Variants in TBCD observed in about 807,000 individuals in gnomAD.
TBCD encodes the protein tubulin-specific chaperone D.
In TBCD, 105 loss-of-function variants were observed where a neutral mutation model predicts 169.3. The ratio of observed to expected loss-of-function variants is 0.62; its 90% CI spans 0.53 to 0.73. The LOEUF is 0.73. Ranked by LOEUF, TBCD falls within the 30% of genes least tolerant of loss-of-function variation. The probability of loss-of-function intolerance (pLI) is 0.00; values close to 1 mark genes in which losing one functional copy is unlikely to be tolerated. For missense variants in TBCD, 1,444 were observed against 1,600.1 expected (o/e 0.90, Z 1.66); for synonymous variants, 700 against 643.9 (o/e 1.09, Z -1.32).
rs1232536074 is a variant in TBCD, at chr17:82,782,798, C to T, written c.771+1077C>T. On this transcript the variant is annotated intron_variant, in intron 7 of 38. Coordinates refer to ENST00000355528, the MANE Select transcript of TBCD (RefSeq NM_005993.5). The surrounding 1 kb of genome is among the most constrained non-coding windows in gnomAD (Gnocchi z 5.1). ...GGCGTTGTCTTCCTGTCTGTGGCGT[C>T]GTCCTGTCTGCGGTGGCGTCGTCCT... Among the ~76,000 whole-genome samples the T allele has an allele frequency of 2.0e-5, 3 of 151,076 alleles. No homozygotes were observed. The highest frequency in any genetic ancestry group is 4.9e-5 in the African/African-American group (2 of 40,918).
Position 82,777,013 on chromosome 17 carries a change from C to T in TBCD, c.638+4506C>T, listed in dbSNP as rs565364651. 5.9e-5 allele frequency among the ~76,000 whole-genome samples: 9 copies of T among 152,086 alleles called. No individual in the cohort carries two copies. The South Asian group carries it at 8.3e-4, about 14-fold the overall frequency. On this transcript the variant is annotated intron_variant, in intron 6 of 38. Coordinates refer to ENST00000355528, the MANE Select transcript of TBCD (RefSeq NM_005993.5). ...CTTCCCCACGAGTGTGAGTTTCCTCCGGTGAAGGGCGATGGGTATTGCCCC... is the reference window on the plus strand; with the variant it reads ...CTTCCCCACGAGTGTGAGTTTCCTCTGGTGAAGGGCGATGGGTATTGCCCC...
At chr17:82,768,254 C>T (rs1018224615) in intron 4 of TBCD, among the ~76,000 whole-genome samples, 166 bp from the exon 5 acceptor site, 1 of 151,738 alleles carries the variant, frequency 6.6e-6, no homozygotes, top group African/African-American at 2.4e-5. Context: ...GGGGATGTGG[C>T]GAGGAGTTGG....
intron 20 of TBCD, 85 bp downstream of exon 20, chr17:82,906,138 T>G (rs1053981919): frequency 1.9e-6 from 2 of 1,043,758 alleles, no homozygotes; most frequent in Non-Finnish European, 2.8e-6. Context: ...AGTTCGAGAC[T>G]CTCTCATCCC....
intron 14 of TBCD, among the ~76,000 whole-genome samples, chr17:82,875,431 C>A (rs1336850325): frequency 1.3e-5 from 2 of 152,216 alleles, no homozygotes; most frequent in African/African-American, 4.8e-5. Context: ...GAAAGCCGAG[C>A]CCTACGCTGC....
At chr17:82,796,937 A>G (rs1039862705) in intron 7 of TBCD, among the ~76,000 whole-genome samples, 4 of 152,226 alleles carry the variant, frequency 2.6e-5, no homozygotes, top group Non-Finnish European at 2.9e-5. Flanking sequence ...GGGCGACAGC[A>G]GGACAGGGGT....
At chr17:82,756,241 A>G (rs2047393522) in intron 2 of TBCD, 26 bp downstream of exon 2, 1 of 1,597,850 alleles carries the variant, frequency 6.3e-7, no homozygotes, top group Non-Finnish European at 8.5e-7. Flanking sequence ...GCTGATTTTG[A>G]TCATTCAGTT....
At chr17:82,854,603 T>G (rs1178216552) in intron 13 of TBCD, among the ~76,000 whole-genome samples, 1 of 152,192 alleles carries the variant, frequency 6.6e-6, no homozygotes, top group Non-Finnish European at 1.5e-5. Flanking sequence ...GTTACTTGTA[T>G]GGGTAACAGT....
At chr17:82,797,855 A>G (rs2050210524) in intron 8 of TBCD, 53 bp downstream of exon 8, 1 of 1,372,452 alleles carries the variant, frequency 7.3e-7, no homozygotes, top group African/African-American at 1.5e-5. Flanking sequence ...TTGCTCATAT[A>G]CAATCAAGTG....
chr17:82,942,217 A>C (rs1484011572), intron 38 of TBCD: 3 of 594,590 alleles, frequency 5.0e-6, no homozygotes. Flanking sequence ...AGAGCAGTGC[A>C]GTGAACCTCC....
At position 82,842,090 on chromosome 17, in the gene TBCD, G is replaced by A. The variant is rs74002579; in HGVS notation, c.1318+27156G>A. On this transcript the variant is annotated intron_variant, in intron 13 of 38. Transcript: ENST00000355528. ...GCTGCCCAGATGCAAGGCGGGAGCC[G>A]AGGGCTCCACCTCTCAGCGGCAGGA... Among the ~76,000 whole-genome samples the A allele has an allele frequency of 7.9e-3, 1,200 of 152,338 alleles. 12 individuals are homozygous for A. The highest frequency in any genetic ancestry group is 0.027 in the African/African-American group (1,105 of 41,570).
chr17:82,942,482 T>C lies in TBCD; in HGVS notation c.*19T>C. 3.1e-6 allele frequency: 5 copies of C among 1,613,920 alleles called. No homozygotes were observed. Among genetic ancestry groups the C allele is most frequent in the Non-Finnish European group, 4.2e-6 (5 of 1,179,858 alleles). On this transcript the variant is annotated 3_prime_UTR_variant, in exon 39 of 39. Transcript: ENST00000355528. ...CTGCTGAAGCCAGTCCTGGAGCCCA[T>C]ACCTCACCCCTGCCTGGTGAGGATG...
Position 82,798,476 on chromosome 17 carries a change from T to G in TBCD, c.817+674T>G, listed in dbSNP as rs142643068. Among the ~76,000 whole-genome samples, 1,222 of 152,278 alleles carry G rather than the reference T, an allele frequency of 8.0e-3. 9 individuals are homozygous for G. The highest frequency in any genetic ancestry group is 0.016 in the South Asian group (75 of 4,826). ...TTTGTATTTTTAATAGAGATGGGGT[T>G]TCACCATGTTGGCCAGGCTAGTCTT... On this transcript the variant is annotated intron_variant, in intron 8 of 38. Coordinates refer to ENST00000355528, the MANE Select transcript of TBCD (RefSeq NM_005993.5).
intron 36 of TBCD, among the ~76,000 whole-genome samples, chr17:82,938,768 G>GA (rs1284254014): frequency 1.4e-5 from 2 of 147,384 alleles, no homozygotes; most frequent in African/African-American, 4.9e-5. Context: ...CTTCCCTGAT[G>GA]AAAAGAGAGC....
intron 17 of TBCD, among the ~76,000 whole-genome samples, chr17:82,895,434 C>T (rs1306663588): frequency 6.6e-6 from 1 of 152,202 alleles, no homozygotes; most frequent in Non-Finnish European, 1.5e-5. Flanking sequence ...GTTAGCAGGG[C>T]CCTGGGCCCT....
Position 82,889,677 on chromosome 17 carries a change from C to T in TBCD, c.1543C>T (p.Gln515Ter). 6.2e-7 allele frequency: 1 copy of T among 1,613,802 alleles called. No homozygotes were observed. The highest frequency in any genetic ancestry group is 8.5e-7 in the Non-Finnish European group (1 of 1,179,828). ...NCRRAASAAF[Q>*]ENVGRQGTFP... ...GTTCTTTGCTCCGCAGGCCGCCTTC[C>T]AGGAGAATGTGGGGAGACAGGTATG... Residue 515 changes from glutamine to a stop codon, truncating the protein, a stop_gained, in exon 16 of 39, where the codon CAG (glutamine) becomes TAG (stop). Coordinates refer to ENST00000355528, the MANE Select transcript of TBCD (RefSeq NM_005993.5). LOFTEE classifies it high-confidence loss of function. This position sits in a 1 kb window ranked among gnomAD's most constrained non-coding sequence, Gnocchi z 5.3.
Position 82,832,132 on chromosome 17 carries a change from C to T in TBCD, c.1318+17198C>T. On this transcript the variant is annotated intron_variant, in intron 13 of 38. Coordinates refer to ENST00000355528, the MANE Select transcript of TBCD (RefSeq NM_005993.5). This position sits in a 1 kb window ranked among gnomAD's most constrained non-coding sequence, Gnocchi z 4.9. Reference sequence around the variant, plus strand: ...CTCCAGGTTTTCCTTGATGTCTTCCCTGGCAGAGCTGTGCTGAAGCTTCGA... The same window carrying T: ...CTCCAGGTTTTCCTTGATGTCTTCCTTGGCAGAGCTGTGCTGAAGCTTCGA... 6.2e-7 allele frequency: 1 copy of T among 1,614,206 alleles called. No individual in the cohort carries two copies. The highest frequency in any genetic ancestry group is 8.5e-7 in the Non-Finnish European group (1 of 1,180,018).
rs535967014 is a variant in TBCD, at chr17:82,902,923, G to A, written c.1731-482G>A. Among the ~76,000 whole-genome samples, 15 of 152,276 alleles carry A rather than the reference G, an allele frequency of 9.9e-5. No individual in the cohort carries two copies. The South Asian group carries it at 1.2e-3, about 13-fold the overall frequency. On this transcript the variant is annotated intron_variant, in intron 18 of 38. Coordinates refer to ENST00000355528, the MANE Select transcript of TBCD (RefSeq NM_005993.5). ...AGGAGGGGCTCCAGCCTCTTGAGCC[G>A]GTCCTGGGTCAGCCTTTCGCGGTCC... is the stretch of plus-strand genomic sequence containing the variant.
At chr17:82,908,607 ATTT>A (rs2060409026) in intron 21 of TBCD, among the ~76,000 whole-genome samples, 1 of 152,142 alleles carries the variant, frequency 6.6e-6, no homozygotes, top group East Asian at 1.9e-4. Flanking sequence ...TGGCAAAGCC[ATTT>A]TGTTTGCTTA....
chr17:82,774,214 TG>T (rs1679800630), intron 6 of TBCD, among the ~76,000 whole-genome samples: 1 of 152,136 alleles, frequency 6.6e-6, no homozygotes, highest in African/African-American at 2.4e-5. Context: ...GCAGTGTTTT[TG>T]TCCCTGGGTA....
Sources: gnomAD v4.1 joint callset for allele counts (sites outside exome capture counted in the v4.1 genomes callset) on GRCh38, gnomAD v4.1.1 for gene constraint, Gnocchi (gnomAD v3.1) non-coding constraint, MANE v1.5 for transcripts, NCBI Gene and HGNC (gene_info 2026-07-23, HGNC 2026-07-21) for gene names.